The following TTC39C variants were observed in gnomAD, a reference collection of about 807,000 sequenced individuals.
TTC39C encodes the protein tetratricopeptide repeat domain 39C.
In TTC39C, 33 loss-of-function variants were observed where a neutral mutation model predicts 76.3. The ratio of observed to expected loss-of-function variants is 0.43; its 90% confidence interval spans 0.33 to 0.58. The LOEUF is 0.58. Ranked by LOEUF, TTC39C falls within the 20% of genes least tolerant of loss-of-function variation. The pLI is 0.04. For missense variants in TTC39C, 595 were observed against 701.4 expected, an observed-to-expected ratio of 0.85 and a Z score of 1.71; for synonymous variants, 254 against 260.6, an observed-to-expected ratio of 0.97 and a Z score of 0.24.
At chr18:24,060,156 C>T (rs1455972454) in intron 1 of TTC39C, among the ~76,000 whole-genome samples, 1 of 152,138 alleles carries the variant, frequency 6.6e-6, no homozygotes, top group African/African-American at 2.4e-5. Context: ...ACACTGTCTT[C>T]CACAATGGTT....
In TTC39C at chr18:24,064,181, G is replaced by GT; in HGVS notation, c.215dup (p.Leu72PhefsTer8). On this transcript the variant is annotated frameshift_variant, in exon 2 of 14. Coordinates refer to ENST00000317571, the MANE Select transcript of TTC39C (RefSeq NM_001135993.2). LOFTEE classifies it high-confidence loss of function. The stretch of plus-strand genomic sequence containing the variant: ...ATGAGTTTTGGAGCCAGCTTTGTCA[G>GT]TTTTTTGGTAAGTTGATATCTTAAG... The GT allele has an allele frequency of 6.2e-7, 1 of 1,613,640 alleles. No individual in the cohort carries two copies. Among genetic ancestry groups the GT allele is most frequent in the Non-Finnish European group, 8.5e-7 (1 of 1,179,870 alleles).
chr18:24,054,078 A>C (rs761495599), intron 1 of TTC39C, among the ~76,000 whole-genome samples: 1 of 152,152 alleles, frequency 6.6e-6, no homozygotes, highest in Non-Finnish European at 1.5e-5. Flanking sequence ...TCCTCAAATC[A>C]CTCGCATTTG....
intron 1 of TTC39C, among the ~76,000 whole-genome samples, chr18:24,028,145 A>G (rs866583004): frequency 2.7e-5 from 4 of 145,554 alleles, no homozygotes; most frequent in Admixed American, 6.7e-5. Context: ...AGCATAGGGG[A>G]AAAAAAAAGG....
chr18:24,006,148 G>A (rs1309756882), intron 1 of TTC39C, among the ~76,000 whole-genome samples: 1 of 151,908 alleles, frequency 6.6e-6, no homozygotes, highest in Non-Finnish European at 1.5e-5. Context: ...AAGGAGCTGG[G>A]ACTACAGGTG....
At chr18:24,081,158 C>G (rs1412699735) in intron 5 of TTC39C, among the ~76,000 whole-genome samples, 2 of 152,166 alleles carry the variant, frequency 1.3e-5, no homozygotes, top group Admixed American at 1.3e-4. Flanking sequence ...GTTCACTAGT[C>G]TCACAAGTCA....
intron 11 of TTC39C, 149 bp from the exon 12 acceptor site, chr18:24,130,164 T>C (rs958212772): frequency 6.7e-5 from 27 of 405,962 alleles, no homozygotes; most frequent in South Asian, 3.0e-5. Flanking sequence ...AAGATGTAGA[T>C]AGGAAAGAAT....
At chr18:24,105,572 A>G (rs1018333978) in intron 6 of TTC39C, among the ~76,000 whole-genome samples, 1 of 152,162 alleles carries the variant, frequency 6.6e-6, no homozygotes, top group African/African-American at 2.4e-5. Flanking sequence ...CACCTTCGTC[A>G]CCTGTGAGAA....
At chr18:24,026,217 A>G (rs572732791) in intron 1 of TTC39C, among the ~76,000 whole-genome samples, 19 of 152,188 alleles carry the variant, frequency 1.2e-4, no homozygotes, top group Non-Finnish European at 2.2e-4. Context: ...GTTCCCACCC[A>G]ACTCTTCCTA....
At chr18:24,089,136 G>A (rs1003389400) in intron 6 of TTC39C, among the ~76,000 whole-genome samples, 1 of 152,174 alleles carries the variant, frequency 6.6e-6, no homozygotes, top group Non-Finnish European at 1.5e-5. Flanking sequence ...AGAAAGAACA[G>A]GGAGACCCCG....
At chr18:24,101,431 A>G (rs1311238646) in intron 6 of TTC39C, among the ~76,000 whole-genome samples, 1 of 151,964 alleles carries the variant, frequency 6.6e-6, no homozygotes, top group Non-Finnish European at 1.5e-5. Flanking sequence ...ACACAGGGAA[A>G]CCCCGTCTCT....
chr18:24,050,740 G>A (rs922685017), intron 1 of TTC39C, among the ~76,000 whole-genome samples: 3 of 151,814 alleles, frequency 2.0e-5, no homozygotes, highest in East Asian at 1.9e-4. Flanking sequence ...GTGTGGTGGC[G>A]GGTGCCTTGT....
At chr18:24,128,793 A>T (rs1012430558) in intron 10 of TTC39C, 93 bp from the exon 11 acceptor site, 3 of 1,010,192 alleles carry the variant, frequency 3.0e-6, no homozygotes, top group Non-Finnish European at 4.4e-6. Context: ...AGGCAGAAAC[A>T]TGAACTGAAA....
chr18:24,037,720 G>A (rs924088084), intron 1 of TTC39C, among the ~76,000 whole-genome samples: 3 of 152,154 alleles, frequency 2.0e-5, no homozygotes, highest in Non-Finnish European at 4.4e-5. Context: ...ATGGAATATG[G>A]TTCCTTTGGA....
At chr18:24,052,080 A>G (rs1055097549) in intron 1 of TTC39C, among the ~76,000 whole-genome samples, 1 of 152,258 alleles carries the variant, frequency 6.6e-6, no homozygotes, top group Non-Finnish European at 1.5e-5. Flanking sequence ...ATATTCATGT[A>G]TCTTTAAAAA....
rs767126471 is a variant in TTC39C at position 24,083,046 on chromosome 18, T to C, written c.949T>C (p.Phe317Leu). 1.9e-6 allele frequency: 3 copies of C among 1,614,084 alleles called. No individual in the cohort carries two copies. Among genetic ancestry groups the C allele is most frequent in the Non-Finnish European group, 1.7e-6 (2 of 1,179,968 alleles). ...AGCTGCTTATCCAAATTCTTCCCTC[T>C]TTATGTTTTTCAAGGGACGGATACA... The part of the protein sequence containing the change: ...KEAAYPNSSL[F>L]MFFKGRIQRL... Residue 317 changes from phenylalanine (F) to leucine (L), a missense_variant, in exon 6 of 14, where the codon TTT becomes CTT. Physicochemically the swap from Phe to Leu is conservative, Grantham distance 22. Coordinates refer to ENST00000317571, the MANE Select transcript of TTC39C (RefSeq NM_001135993.2).
In TTC39C at chr18:24,015,053, C is replaced by G. The variant is rs2083435554; in HGVS notation, c.167+15C>G. The G allele has an allele frequency of 7.0e-7, 1 of 1,420,712 alleles. No individual in the cohort carries two copies. The highest frequency in any genetic ancestry group is 9.3e-7 in the Non-Finnish European group (1 of 1,079,044). 88.0% of individuals were successfully genotyped at this position (1,420,712 alleles called of 1,614,324 possible). Reference sequence around the variant, plus strand: ...AAACAATACAGGTGACCCACGCGTCCCCGATTCCCCAACCCTGCAGCGCGC... The same window carrying G: ...AAACAATACAGGTGACCCACGCGTCGCCGATTCCCCAACCCTGCAGCGCGC... On this transcript the variant is annotated intron_variant, in intron 1 of 13. Coordinates refer to ENST00000317571, the MANE Select transcript of TTC39C (RefSeq NM_001135993.2).
At chr18:24,107,892 G>GGGC (rs1555776847) in intron 6 of TTC39C, among the ~76,000 whole-genome samples, 2 of 145,284 alleles carry the variant, frequency 1.4e-5, no homozygotes, top group Non-Finnish European at 3.0e-5. Context: ...CCAAGTAGGG[G>GGGC]GGGGGGTACA....
chr18:24,097,087 A>G (rs946584143), intron 6 of TTC39C, among the ~76,000 whole-genome samples: 4 of 152,212 alleles, frequency 2.6e-5, no homozygotes, highest in African/African-American at 9.6e-5. Context: ...GATGAGAGGA[A>G]TGGACAGGAG....
intron 1 of TTC39C, among the ~76,000 whole-genome samples, chr18:23,996,341 C>A (rs866586067): frequency 6.6e-6 from 1 of 152,306 alleles, no homozygotes; most frequent in African/African-American, 2.4e-5. Context: ...GTTTGGGAAG[C>A]ACTGCGTCAT....
Sources: allele counts gnomAD v4.1 joint callset (sites outside exome capture counted in the v4.1 genomes callset), GRCh38; gene constraint gnomAD v4.1.1; transcripts MANE v1.5; gene names NCBI Gene and HGNC (gene_info 2026-07-23, HGNC 2026-07-21).